IL1RAPL1: variants seen among roughly 807,000 people sequenced by gnomAD.
IL1RAPL1 encodes the protein interleukin 1 receptor accessory protein like 1.
In IL1RAPL1, 3 loss-of-function variants were observed where a neutral mutation model predicts 48.4. The observed-to-expected ratio is 0.06, with a 90% CI of 0.03 to 0.16. The LOEUF (loss-of-function observed/expected upper bound fraction) is 0.16, where lower values mean the gene tolerates loss of function less well. IL1RAPL1 is among the 10% of genes least tolerant of loss of function. The pLI, the probability that IL1RAPL1 is intolerant of heterozygous loss-of-function variation, is 1.00. For synonymous variants in IL1RAPL1, 185 were observed against 187.7 expected (o/e 0.99, Z 0.12); for missense variants, 349 against 530.6 (o/e 0.66, Z 3.36).
chrX:29,731,011 A>G (rs760410640), intron 6 of IL1RAPL1, among the ~76,000 whole-genome samples: 9 of 112,401 alleles, frequency 8.0e-5, no homozygotes, highest in African/African-American at 2.9e-4. Context: ...CTTATGTCAC[A>G]TCAAAGCTAT....
chrX:29,200,780 A>C (rs1344387105), intron 2 of IL1RAPL1, among the ~76,000 whole-genome samples: 1 of 111,824 alleles, frequency 8.9e-6, no homozygotes, highest in Non-Finnish European at 1.9e-5. Flanking sequence ...AAAATATGAC[A>C]GTTTACAGGC....
chrX:29,391,756 C>G (rs1933856161), intron 3 of IL1RAPL1, among the ~76,000 whole-genome samples: 1 of 111,751 alleles, frequency 8.9e-6, no homozygotes, highest in Non-Finnish European at 1.9e-5. Flanking sequence ...CTATTATCAT[C>G]TATAGGTATA....
chrX:28,988,417 A>G (rs1036123927), intron 2 of IL1RAPL1, among the ~76,000 whole-genome samples: 6 of 111,001 alleles, frequency 5.4e-5, no homozygotes, highest in South Asian at 3.9e-4. Context: ...TTTCTCACAA[A>G]CTGCCATCTG....
At chrX:29,946,459 G>A (rs987680193) in intron 9 of IL1RAPL1, among the ~76,000 whole-genome samples, 17 of 111,844 alleles carry the variant, frequency 1.5e-4, no homozygotes, top group African/African-American at 5.5e-4. Flanking sequence ...GAGGTTTTTG[G>A]GGAAAATGAA....
At chrX:29,396,515 T>C in intron 4 of IL1RAPL1, 71 bp downstream of exon 4, 1 of 947,175 alleles carries the variant, frequency 1.1e-6, no homozygotes, top group Non-Finnish European at 1.5e-6. Context: ...ACAAATTGGA[T>C]AGAAAACTTA....
At chrX:29,326,109 A>C (rs1216549760) in intron 3 of IL1RAPL1, among the ~76,000 whole-genome samples, 1 of 112,524 alleles carries the variant, frequency 8.9e-6, no homozygotes, top group Admixed American at 9.4e-5. Flanking sequence ...ATGTAGCTAC[A>C]TAGAAACACC....
Position 28,895,426 on chromosome X carries a change from T to A in IL1RAPL1, c.82+106001T>A, listed in dbSNP as rs1922890340. On this transcript the variant is annotated intron_variant, in intron 2 of 10. Coordinates refer to ENST00000378993, the MANE Select transcript of IL1RAPL1 (RefSeq NM_014271.4). Reference sequence around the variant, plus strand: ...GATGGTAAGGGGTGCATGATCGGTCTCCAAGGAGGGAGTAGAGGCATCTTA... The same window carrying A: ...GATGGTAAGGGGTGCATGATCGGTCACCAAGGAGGGAGTAGAGGCATCTTA... 4.0e-5 allele frequency among the ~76,000 whole-genome samples: 4 copies of A among 100,640 alleles called. No individual in the cohort carries two copies. The South Asian group carries it at 1.6e-3, about 40-fold the overall frequency. The allele number at this position is 100,640 out of a possible 115,157, so 87.4% of individuals were successfully genotyped here.
intron 5 of IL1RAPL1, among the ~76,000 whole-genome samples, chrX:29,640,938 G>A (rs911407096): frequency 1.8e-5 from 2 of 111,656 alleles, no homozygotes; most frequent in African/African-American, 6.5e-5. Flanking sequence ...GCCAAGGCAG[G>A]AGGATTGCTT....
intron 2 of IL1RAPL1, among the ~76,000 whole-genome samples, chrX:29,087,440 A>G (rs1927979090): frequency 9.0e-6 from 1 of 111,155 alleles, no homozygotes; most frequent in African/African-American, 3.3e-5. Flanking sequence ...CTGGCCAGCC[A>G]GAGGACATTA....
At chrX:28,633,038 G>A (rs903581109) in intron 1 of IL1RAPL1, among the ~76,000 whole-genome samples, 3 of 109,385 alleles carry the variant, frequency 2.7e-5, no homozygotes, top group Admixed American at 9.9e-5. Flanking sequence ...ACAGGTGCCC[G>A]CCACCACACC....
At chrX:29,228,848 A>G (rs1274677814) in intron 2 of IL1RAPL1, among the ~76,000 whole-genome samples, 1 of 111,575 alleles carries the variant, frequency 9.0e-6, no homozygotes, top group Non-Finnish European at 1.9e-5. Flanking sequence ...CGTATTCCCT[A>G]TCTGCCTTGT....
At chrX:28,638,704 C>T (rs774502413) in intron 1 of IL1RAPL1, among the ~76,000 whole-genome samples, 1 of 108,604 alleles carries the variant, frequency 9.2e-6, no homozygotes, top group South Asian at 4.0e-4. Context: ...TGTATTTAAG[C>T]GTAGGGATGA....
At chrX:29,194,669 A>C (rs1005657582) in intron 2 of IL1RAPL1, among the ~76,000 whole-genome samples, 1 of 112,439 alleles carries the variant, frequency 8.9e-6, no homozygotes, top group Admixed American at 9.5e-5. Context: ...ACTGGTATTT[A>C]ATAAAGACGA....
chrX:29,241,477 T>A (rs991682467), intron 2 of IL1RAPL1, among the ~76,000 whole-genome samples: 2 of 111,750 alleles, frequency 1.8e-5, no homozygotes, highest in African/African-American at 6.5e-5. Context: ...TGTGATGTTA[T>A]AATCCCAGTT....
chrX:28,858,461 C>T (rs780366504), intron 2 of IL1RAPL1, among the ~76,000 whole-genome samples: 1 of 112,079 alleles, frequency 8.9e-6, no homozygotes, highest in African/African-American at 3.2e-5. Flanking sequence ...TTGCCAGTCA[C>T]CTCAACCTTC....
intron 3 of IL1RAPL1, among the ~76,000 whole-genome samples, chrX:29,334,198 G>T (rs1234958260): frequency 2.7e-5 from 2 of 75,265 alleles, no homozygotes; most frequent in Admixed American, 1.2e-4. Context: ...CGGGCGGGGG[G>T]CTGACCCCCC....
At chrX:29,905,310 A>G (rs768635419) in intron 6 of IL1RAPL1, among the ~76,000 whole-genome samples, 11 of 110,698 alleles carry the variant, frequency 9.9e-5, no homozygotes, top group Non-Finnish European at 2.1e-4. Context: ...CCCATTCTGT[A>G]GGTTGCCTGT....
chrX:29,456,024 A>G (rs1477342541), intron 5 of IL1RAPL1, among the ~76,000 whole-genome samples: 1 of 109,903 alleles, frequency 9.1e-6, no homozygotes, highest in African/African-American at 3.4e-5. Context: ...GGATCATCGA[A>G]AACAAACAGC....
At chrX:28,706,406 T>C (rs566707528) in intron 1 of IL1RAPL1, among the ~76,000 whole-genome samples, 10 of 108,184 alleles carry the variant, frequency 9.2e-5, no homozygotes, top group Admixed American at 7.8e-4. Context: ...TTTCTTCCTT[T>C]CTTTCTTTCT....
Sources: gnomAD v4.1 joint callset for allele counts (sites outside exome capture counted in the v4.1 genomes callset) on GRCh38, gnomAD v4.1.1 for gene constraint, MANE v1.5 for transcripts, NCBI Gene and HGNC (gene_info 2026-07-23, HGNC 2026-07-21) for gene names.